The following SND1 variants were observed in gnomAD, a reference collection of about 807,000 sequenced individuals.
The protein encoded by SND1 is staphylococcal nuclease and tudor domain containing 1, also known as staphylococcal nuclease domain-containing protein 1.
SND1 carries 38 observed loss-of-function variants against 121.7 expected under a neutral mutation model. The observed-to-expected ratio is 0.31, with a 90% CI of 0.24 to 0.41. The LOEUF (loss-of-function observed/expected upper bound fraction) is 0.41, where lower values mean the gene tolerates loss of function less well. SND1 is among the 10% of genes least tolerant of loss of function. SND1 has a pLI of 1.00. For synonymous variants in SND1, 401 were observed against 447.4 expected (o/e 0.90, Z 1.31); for missense variants, 868 against 1,184.6 (o/e 0.73, Z 3.92).
intron 16 of SND1, among the ~76,000 whole-genome samples, chr7:128,036,579 C>A (rs1792754872): frequency 6.6e-6 from 1 of 152,202 alleles, no homozygotes; most frequent in South Asian, 2.1e-4. Flanking sequence ...TTTTTAAAAA[C>A]CTTGGCTAAG....
At chr7:127,940,499 G>A (rs927851105) in intron 15 of SND1, among the ~76,000 whole-genome samples, 1 of 152,142 alleles carries the variant, frequency 6.6e-6, no homozygotes, top group Non-Finnish European at 1.5e-5. Context: ...TGAAATTAAA[G>A]GTTAATGCTT....
At chr7:128,088,901 G>C (rs903396912) in intron 21 of SND1, among the ~76,000 whole-genome samples, 1 of 152,108 alleles carries the variant, frequency 6.6e-6, no homozygotes, top group African/African-American at 2.4e-5. Flanking sequence ...TTTTCTCGGA[G>C]ACACAGGGCA....
chr7:127,710,696 G>A (rs2116362627), intron 9 of SND1, among the ~76,000 whole-genome samples: 1 of 152,166 alleles, frequency 6.6e-6, no homozygotes, highest in South Asian at 2.1e-4. Flanking sequence ...TCAACTCTTG[G>A]CTAATTCATC....
At chr7:127,889,210 A>T (rs1447751384) in intron 13 of SND1, among the ~76,000 whole-genome samples, 3 of 152,090 alleles carry the variant, frequency 2.0e-5, no homozygotes, top group Non-Finnish European at 1.5e-5. Context: ...GTCATTTAAA[A>T]TACGTAGTTC....
chr7:128,040,437 TAAAAAAA>T (rs67595921), intron 16 of SND1, among the ~76,000 whole-genome samples: 8 of 32,870 alleles, frequency 2.4e-4, no homozygotes, highest in East Asian at 7.2e-4. Context: ...GTCCTATCTT[TAAAAAAA>T]AAAAAAAAAA....
intron 12 of SND1, among the ~76,000 whole-genome samples, chr7:127,850,400 C>A (rs1799143256): frequency 6.6e-6 from 1 of 152,194 alleles, no homozygotes; most frequent in African/African-American, 2.4e-5. Context: ...AGTCATCTTA[C>A]CCAGAGAGGC....
chr7:128,082,305 G>A (rs1014352184), intron 18 of SND1, among the ~76,000 whole-genome samples: 1 of 152,230 alleles, frequency 6.6e-6, no homozygotes, highest in Non-Finnish European at 1.5e-5. Flanking sequence ...ACAAATCATG[G>A]TAGGCACAGG....
At chr7:127,947,695 T>C (rs1449170893) in intron 15 of SND1, among the ~76,000 whole-genome samples, 1 of 152,138 alleles carries the variant, frequency 6.6e-6, no homozygotes, top group African/African-American at 2.4e-5. Flanking sequence ...TTTTTTCAAC[T>C]TTGCACACTC....
chr7:127,795,983 T>G (rs1278205935), intron 10 of SND1, among the ~76,000 whole-genome samples: 2 of 151,946 alleles, frequency 1.3e-5, no homozygotes, highest in South Asian at 4.1e-4. Context: ...TCAGCCTCCC[T>G]AGTAGCTGGG....
intron 16 of SND1, among the ~76,000 whole-genome samples, chr7:128,007,799 T>G (rs373057830): frequency 1.2e-4 from 18 of 152,340 alleles, no homozygotes; most frequent in African/African-American, 3.8e-4. Flanking sequence ...GAAGTGAGTA[T>G]GACCCATTCA....
chr7:127,994,135 C>A (rs1410712626), intron 16 of SND1, among the ~76,000 whole-genome samples: 2 of 152,174 alleles, frequency 1.3e-5, no homozygotes, highest in Non-Finnish European at 2.9e-5. Flanking sequence ...AAGCTTTAGA[C>A]AAGTCTTTTA....
chr7:127,823,272 G>A (rs946704916), intron 11 of SND1, among the ~76,000 whole-genome samples: 3 of 152,222 alleles, frequency 2.0e-5, no homozygotes, highest in South Asian at 2.1e-4. Flanking sequence ...AGTCTATTGC[G>A]TGTCCCTCTT....
chr7:128,082,663 G>A lies in SND1; in HGVS notation c.2110+1162G>A, dbSNP rs1266812981. ...CCTGAATGAACCGGGGCGGTGGCCAGCCTTTAGGGCTGGGTCATGTGACAG... is the reference window on the plus strand; with the variant it reads ...CCTGAATGAACCGGGGCGGTGGCCAACCTTTAGGGCTGGGTCATGTGACAG... On this transcript the variant is annotated intron_variant, in intron 18 of 23. Transcript: ENST00000354725. Among the ~76,000 whole-genome samples, 3 of 152,218 alleles carry A rather than the reference G, an allele frequency of 2.0e-5. No homozygotes were observed. The East Asian group carries it at 5.8e-4, about 29-fold the overall frequency.
chr7:127,870,825 C>T (rs1221959626), intron 12 of SND1, among the ~76,000 whole-genome samples: 1 of 151,990 alleles, frequency 6.6e-6, no homozygotes, highest in Non-Finnish European at 1.5e-5. Context: ...TTTTCATTTT[C>T]AATAATAAAT....
chr7:128,018,836 G>C (rs777113399), intron 16 of SND1, among the ~76,000 whole-genome samples: 16 of 152,190 alleles, frequency 1.1e-4, no homozygotes, highest in Non-Finnish European at 1.9e-4. Flanking sequence ...GAGTGGAGAG[G>C]ACAGAATAAG....
At chr7:128,064,818 A>G (rs1793286855) in intron 16 of SND1, among the ~76,000 whole-genome samples, 1 of 152,204 alleles carries the variant, frequency 6.6e-6, no homozygotes, top group African/African-American at 2.4e-5. Flanking sequence ...ATTGGGAAAC[A>G]CAGGCCTAAA....
intron 10 of SND1, among the ~76,000 whole-genome samples, chr7:127,788,860 A>C (rs779983592): frequency 4.0e-4 from 61 of 152,294 alleles, no homozygotes; most frequent in Non-Finnish European, 7.4e-4. Context: ...GTGGTCGTCC[A>C]TCCTTCAAGA....
At chr7:128,032,360 G>T (rs906141000) in intron 16 of SND1, among the ~76,000 whole-genome samples, 6 of 148,866 alleles carry the variant, frequency 4.0e-5, no homozygotes, top group Admixed American at 2.0e-4. Context: ...CCCTCTAGAC[G>T]AGCGGAGCGG....
At chr7:127,758,442 G>A (rs189981553) in intron 10 of SND1, among the ~76,000 whole-genome samples, 57 of 152,222 alleles carry the variant, frequency 3.7e-4, no homozygotes, top group Non-Finnish European at 5.4e-4. Context: ...TATCCTCAAG[G>A]AATTCCATGT....
Sources: gnomAD v4.1 joint callset for allele counts (sites outside exome capture counted in the v4.1 genomes callset) on GRCh38, gnomAD v4.1.1 for gene constraint, MANE v1.5 for transcripts, NCBI Gene and HGNC (gene_info 2026-07-23, HGNC 2026-07-21) for gene names.